GK5: variants seen among roughly 807,000 people sequenced by gnomAD.
GK5 encodes ATP:glycerol 3-phosphotransferase 5.
In GK5, 39 loss-of-function variants were observed where a neutral mutation model predicts 77.3. The ratio of observed to expected loss-of-function variants is 0.50; its 90% CI spans 0.39 to 0.66. GK5 has a LOEUF of 0.66. GK5 is among the 30% of genes least tolerant of loss of function. The pLI, the probability that GK5 is intolerant of heterozygous loss-of-function variation, is 0.00. For synonymous variants in GK5, 211 were observed against 208.0 expected (o/e 1.01, Z -0.13); for missense variants, 487 against 633.8 (o/e 0.77, Z 2.49).
intron 9 of GK5, chr3:142,183,264 C>T: frequency 2.7e-6 from 1 of 368,792 alleles, no homozygotes; most frequent in Admixed American, 4.4e-5. Context: ...AACTGACATG[C>T]CTCAGGAATT....
intron 1 of GK5, among the ~76,000 whole-genome samples, chr3:142,222,338 G>A (rs2064361698): frequency 6.6e-6 from 1 of 152,120 alleles, no homozygotes; most frequent in African/African-American, 2.4e-5. Context: ...GGCCGAGGCG[G>A]GTGGATCACC....
intron 15 of GK5, chr3:142,170,044 C>T: frequency 8.4e-6 from 4 of 474,594 alleles, no homozygotes; most frequent in South Asian, 2.1e-5. Context: ...GAAAGTTTAC[C>T]CAGAGACTGT....
At chr3:142,186,719 C>T (rs1368710160) in intron 6 of GK5, among the ~76,000 whole-genome samples, 2 of 151,552 alleles carry the variant, frequency 1.3e-5, no homozygotes, top group East Asian at 3.9e-4. Flanking sequence ...CAACCTCTGC[C>T]TCCCGGGTTC....
chr3:142,190,024 A>G (rs1013396129), intron 5 of GK5, among the ~76,000 whole-genome samples: 1 of 152,218 alleles, frequency 6.6e-6, no homozygotes, highest in African/African-American at 2.4e-5. Flanking sequence ...TCCACAGTCC[A>G]TGGGAGCTAC....
chr3:142,195,114 C>T (rs141943960), intron 5 of GK5, among the ~76,000 whole-genome samples: 17 of 151,984 alleles, frequency 1.1e-4, no homozygotes, highest in African/African-American at 4.1e-4. Flanking sequence ...TCTATATCTA[C>T]TGACATGATC....
chr3:142,199,995 CATCA>C (rs1227082403), intron 4 of GK5, among the ~76,000 whole-genome samples: 3 of 151,868 alleles, frequency 2.0e-5, no homozygotes, highest in Non-Finnish European at 4.4e-5. Flanking sequence ...ATTGATAACA[CATCA>C]ATTAATAAAA....
intron 5 of GK5, among the ~76,000 whole-genome samples, chr3:142,191,136 C>T (rs1019385146): frequency 5.3e-5 from 8 of 151,882 alleles, no homozygotes; most frequent in African/African-American, 1.2e-4. Flanking sequence ...TCCACCTCCC[C>T]GGTTCAAAAG....
At chr3:142,186,089 T>C in intron 8 of GK5, 100 bp from the exon 9 acceptor site, 2 of 1,167,362 alleles carry the variant, frequency 1.7e-6, no homozygotes, top group Non-Finnish European at 1.3e-6. Context: ...AGTTACATAA[T>C]GAACATACAA....
Position 142,162,358 on chromosome 3 carries a change from T to C in GK5, c.*3264A>G, listed in dbSNP as rs2063432145. The C allele has an allele frequency of 6.6e-6, 1 of 152,188 alleles. No homozygotes were observed. Among genetic ancestry groups the C allele is most frequent in the African/African-American group, 2.4e-5 (1 of 41,434 alleles). 9.4% of individuals were successfully genotyped at this position (152,188 alleles called of 1,614,324 possible). On this transcript the variant is annotated 3_prime_UTR_variant, in exon 16 of 16. Transcript: ENST00000392993. The stretch of plus-strand genomic sequence containing the variant: ...CCATAACAACTAGGGGGATGGTACT[T>C]GTAGCTAGAGGGCAGAGGTCAGGGA...
Position 142,171,496 on chromosome 3 carries a change from T to C in GK5, c.1248-18A>G, listed in dbSNP as rs763497762. On this transcript the variant is annotated intron_variant, in intron 13 of 15. Coordinates refer to ENST00000392993, the MANE Select transcript of GK5 (RefSeq NM_001039547.3). ...GTTTGTTTCTAGTTAAAAAACAAGA[T>C]AACTATTTATAAGAAATTCATATCA... The C allele has an allele frequency of 1.2e-5, 16 of 1,371,972 alleles. No homozygotes were observed. In the South Asian group the frequency reaches 1.9e-4, roughly 17 times the overall value. The allele number at this position is 1,371,972 out of a possible 1,614,324, so 85.0% of individuals were successfully genotyped here. A position where few individuals can be genotyped will look rare whatever the true frequency, so the allele number is the denominator to read the frequency against.
rs116795419 is a variant in GK5, at chr3:142,190,273, G to A, written c.544-2494C>T. ...GGGTTAGATATACAGGGGATTCAGT[G>A]AGAAGGTCTAAACTTAAAAATGTAC... On this transcript the variant is annotated intron_variant, in intron 5 of 15. Coordinates refer to ENST00000392993, the MANE Select transcript of GK5 (RefSeq NM_001039547.3). Among the ~76,000 whole-genome samples, 90 of 152,226 alleles carry A rather than the reference G, an allele frequency of 5.9e-4. 1 individual carries two copies. Among genetic ancestry groups the A allele is most frequent in the African/African-American group, 2.1e-3 (86 of 41,542 alleles).
Position 142,165,571 on chromosome 3 carries a change from C to T in GK5, c.*51G>A. 7.0e-7 allele frequency: 1 copy of T among 1,428,776 alleles called. No homozygotes were observed. The highest frequency in any genetic ancestry group is 9.5e-7 in the Non-Finnish European group (1 of 1,049,986). The allele number at this position is 1,428,776 out of a possible 1,614,324, so 88.5% of individuals were successfully genotyped here. A position where few individuals can be genotyped will look rare whatever the true frequency, so the allele number is the denominator to read the frequency against. ...GGGTTATCCCTGAGCTTCATCTCATCTGCACGTCACATAAACCAGCTACCT... is the reference window on the plus strand; with the variant it reads ...GGGTTATCCCTGAGCTTCATCTCATTTGCACGTCACATAAACCAGCTACCT... On this transcript the variant is annotated 3_prime_UTR_variant, in exon 16 of 16. Transcript: ENST00000392993.
chr3:142,210,948 A>G (rs1279030291), intron 3 of GK5, among the ~76,000 whole-genome samples: 1 of 152,162 alleles, frequency 6.6e-6, no homozygotes, highest in Non-Finnish European at 1.5e-5. Flanking sequence ...TCATCCATCC[A>G]CTTCCCAGAT....
chr3:142,186,025 T>C (rs775758447), intron 8 of GK5, 36 bp from the exon 9 acceptor site: 1 of 1,492,550 alleles, frequency 6.7e-7, no homozygotes, highest in Non-Finnish European at 9.3e-7. Flanking sequence ...TAGTTACAGC[T>C]CTAGAAATAT....
chr3:142,170,277 A>C (rs2063520373), intron 15 of GK5, 48 bp downstream of exon 15: 1 of 1,594,638 alleles, frequency 6.3e-7, no homozygotes. Flanking sequence ...GCTATCTGTA[A>C]GGAAGAGTTT....
At chr3:142,192,995 C>A (rs953615461) in intron 5 of GK5, among the ~76,000 whole-genome samples, 1 of 151,818 alleles carries the variant, frequency 6.6e-6, no homozygotes, top group Non-Finnish European at 1.5e-5. Flanking sequence ...TCAGTGTTAC[C>A]CAGGGTTCAG....
intron 2 of GK5, 33 bp downstream of exon 2, chr3:142,215,566 A>G: frequency 8.5e-7 from 1 of 1,176,462 alleles, no homozygotes; most frequent in Non-Finnish European, 1.2e-6. Context: ...AAAAAACCAT[A>G]AAGATTATTG....
At chr3:142,188,774 A>G (rs1376660389) in intron 5 of GK5, among the ~76,000 whole-genome samples, 3 of 152,210 alleles carry the variant, frequency 2.0e-5, no homozygotes, top group African/African-American at 7.2e-5. Flanking sequence ...GGCTGCTTTC[A>G]TGGCAGAGTG....
intron 3 of GK5, among the ~76,000 whole-genome samples, chr3:142,212,087 A>G (rs2064195138): frequency 6.6e-6 from 1 of 152,048 alleles, no homozygotes; most frequent in South Asian, 2.1e-4. Context: ...AATTCACCCT[A>G]ATTATATTTT....
Sources: gnomAD v4.1 joint callset for allele counts (sites outside exome capture counted in the v4.1 genomes callset) on GRCh38, gnomAD v4.1.1 for gene constraint, MANE v1.5 for transcripts, NCBI Gene and HGNC (gene_info 2026-07-23, HGNC 2026-07-21) for gene names.